The following USP28 variants were observed in gnomAD, a reference collection of about 807,000 sequenced individuals.
The protein encoded by USP28 is ubiquitin carboxyl-terminal hydrolase 28.
Under a neutral mutation model 145.0 loss-of-function variants are expected in USP28, and 113 were observed. The observed-to-expected ratio is 0.78, with a 90% CI of 0.67 to 0.91. The LOEUF (loss-of-function observed/expected upper bound fraction) is 0.91, where lower values mean the gene tolerates loss of function less well. Ranked by LOEUF, USP28 falls within the 40% of genes least tolerant of loss-of-function variation. The probability of loss-of-function intolerance (pLI) is 0.00; values close to 1 mark genes in which losing one functional copy is unlikely to be tolerated. For synonymous variants in USP28, 447 were observed against 450.9 expected, an observed-to-expected ratio of 0.99 and a Z score of 0.11; for missense variants, 1,201 against 1,289.6, an observed-to-expected ratio of 0.93 and a Z score of 1.05.
chr11:113,867,713 T>C lies in USP28; in HGVS notation c.57+7732A>G, dbSNP rs1051465246. Among the ~76,000 whole-genome samples, 6 of 148,240 alleles carry C rather than the reference T, an allele frequency of 4.0e-5. 1 individual carries two copies. The highest frequency in any genetic ancestry group is 7.4e-5 in the Non-Finnish European group (5 of 67,732). On this transcript the variant is annotated intron_variant, in intron 1 of 24. Coordinates refer to ENST00000003302, the Ensembl canonical transcript of USP28. The stretch of plus-strand genomic sequence containing the variant: ...TGTGAATAGCCACTGCACTCCAGCC[T>C]GAGCAACATAGCTAGACCCCAACTC...
rs570174668 is a variant in USP28 at position 113,817,026 on chromosome 11, C to A, written c.1463+632G>T. 2.0e-5 allele frequency among the ~76,000 whole-genome samples: 3 copies of A among 152,194 alleles called. No homozygotes were observed. In the South Asian group the frequency reaches 6.2e-4, roughly 32 times the overall value. ...AGTTAAGATTTTTTGACAAAAAAGT[C>A]TAACTTTTTATTGAGTATTAGTGTT... On this transcript the variant is annotated intron_variant, in intron 13 of 24. Transcript: ENST00000003302.
At position 113,808,050 on chromosome 11, in the gene USP28, TGCATCATTA is replaced by T. The variant is rs771224798; in HGVS notation, c.2304+239_2304+247del. The T allele has an allele frequency of 3.8e-6, 5 of 1,329,486 alleles. No individual in the cohort carries two copies. In the South Asian group the frequency reaches 5.9e-5, roughly 16 times the overall value. 82.4% of individuals were successfully genotyped at this position (1,329,486 alleles called of 1,614,324 possible). On this transcript the variant is annotated intron_variant, in intron 18 of 24. Coordinates refer to ENST00000003302, the Ensembl canonical transcript of USP28. Reference sequence around the variant, plus strand: ...CAGAATTAGGCTGGGCAGTAGACTCTGCATCATTAGCCTTTGGGGGCTGTTCTGACTGCT... The same window carrying T: ...CAGAATTAGGCTGGGCAGTAGACTCTGCCTTTGGGGGCTGTTCTGACTGCT...
At chr11:113,849,598 A>G (rs1280344805) in intron 3 of USP28, among the ~76,000 whole-genome samples, 1 of 152,150 alleles carries the variant, frequency 6.6e-6, no homozygotes, top group African/African-American at 2.4e-5. Context: ...AGGGCGCATT[A>G]AAGTAGGACA....
intron 22 of USP28, among the ~76,000 whole-genome samples, chr11:113,803,522 T>C (rs1386483152): frequency 1.3e-5 from 2 of 152,232 alleles, no homozygotes; most frequent in Admixed American, 1.3e-4. Flanking sequence ...CTAGGGTCTA[T>C]GTCAACTCAA....
At chr11:113,811,157 T>C (rs1940919889) in intron 16 of USP28, among the ~76,000 whole-genome samples, 1 of 152,214 alleles carries the variant, frequency 6.6e-6, no homozygotes, top group African/African-American at 2.4e-5. Context: ...GGGACTGCCA[T>C]TTATTGACTA....
chr11:113,874,989 G>C, intron 1 of USP28: 1 of 899,352 alleles, frequency 1.1e-6, no homozygotes, highest in Middle Eastern at 5.7e-4. Flanking sequence ...ATAGAAGACG[G>C]TGATTAATTC....
intron 1 of USP28, among the ~76,000 whole-genome samples, chr11:113,873,344 G>T (rs1031713465): frequency 2.6e-5 from 4 of 152,188 alleles, no homozygotes; most frequent in Non-Finnish European, 4.4e-5. Context: ...AAATCACTGG[G>T]AAGAACAGTA....
Position 113,861,989 on chromosome 11 carries a change from T to C in USP28, c.58-7654A>G, listed in dbSNP as rs572887614. 4.6e-5 allele frequency among the ~76,000 whole-genome samples: 7 copies of C among 152,360 alleles called. No individual in the cohort carries two copies. The East Asian group carries it at 7.7e-4, about 17-fold the overall frequency. On this transcript the variant is annotated intron_variant, in intron 1 of 24. Coordinates refer to ENST00000003302, the Ensembl canonical transcript of USP28. ...TTACATGCTTACAGTTTTAGAAATATAGCAATGGTAAAATTTTAAGTTATT... is the reference window on the plus strand; with the variant it reads ...TTACATGCTTACAGTTTTAGAAATACAGCAATGGTAAAATTTTAAGTTATT...
chr11:113,852,521 G>C, exon 3 of USP28: 1 of 1,614,118 alleles, frequency 6.2e-7, no homozygotes, highest in South Asian at 1.1e-5. Flanking sequence ...TTCCTTGTTG[G>C]CAGCACTCCC....
chr11:113,803,392 G>A (rs1023747061), intron 22 of USP28, 111 bp from the exon 24 acceptor site: 1 of 1,267,226 alleles, frequency 7.9e-7, no homozygotes. Flanking sequence ...TTCTGAAAAA[G>A]TGAAGGACCA....
At position 113,868,464 on chromosome 11, in the gene USP28, G is replaced by A. The variant is rs139488299; in HGVS notation, c.57+6981C>T. 2.1e-3 allele frequency among the ~76,000 whole-genome samples: 313 copies of A among 152,220 alleles called. 2 individuals carry two copies. Among genetic ancestry groups the A allele is most frequent in the Non-Finnish European group, 3.6e-3 (244 of 68,014 alleles). ...AGTCAAGTGGTAAGTCAGAAACTTT[G>A]GTTTTAGAAAGGCTTGTACTAAAGT... On this transcript the variant is annotated intron_variant, in intron 1 of 24. Transcript: ENST00000003302.
chr11:113,811,770 GA>G (rs963617539), intron 16 of USP28, among the ~76,000 whole-genome samples: 7 of 145,486 alleles, frequency 4.8e-5, no homozygotes, highest in Admixed American at 6.8e-5. Flanking sequence ...GATGGGGCAA[GA>G]AAAAAAAAAG....
chr11:113,837,205 T>A (rs1175936505), intron 5 of USP28, among the ~76,000 whole-genome samples: 1 of 152,242 alleles, frequency 6.6e-6, no homozygotes, highest in East Asian at 1.9e-4. Flanking sequence ...CTGTTCATTT[T>A]CTATCTCACC....
chr11:113,814,536 C>G (rs1011918470), intron 14 of USP28, among the ~76,000 whole-genome samples: 2 of 152,008 alleles, frequency 1.3e-5, no homozygotes, highest in African/African-American at 4.8e-5. Flanking sequence ...GAGTAGAAGT[C>G]CAGAAAAGCT....
At chr11:113,810,031 T>C (rs1043775523) in intron 16 of USP28, among the ~76,000 whole-genome samples, 2 of 87,680 alleles carry the variant, frequency 2.3e-5, no homozygotes, top group African/African-American at 1.0e-4. Flanking sequence ...TGAGACTCCA[T>C]CTCAAAAAAA....
intron 5 of USP28, among the ~76,000 whole-genome samples, chr11:113,836,684 A>G (rs1197639203): frequency 6.6e-6 from 1 of 152,122 alleles, no homozygotes; most frequent in Non-Finnish European, 1.5e-5. Flanking sequence ...CCGAGTCACC[A>G]TCACTCTTCA....
chr11:113,817,571 ACTGT>A, intron 13 of USP28, 83 bp downstream of exon 13: 2 of 1,438,982 alleles, frequency 1.4e-6, no homozygotes, highest in Non-Finnish European at 1.9e-6. Flanking sequence ...CTTATAGGTG[ACTGT>A]CAATCAAGTA....
chr11:113,823,937 AAAGT>A (rs1231124158), intron 11 of USP28, among the ~76,000 whole-genome samples: 1 of 152,220 alleles, frequency 6.6e-6, no homozygotes, highest in Non-Finnish European at 1.5e-5. Flanking sequence ...CCAATGCAAT[AAAGT>A]AAGAAAAACA....
At chr11:113,865,345 C>G (rs931827912) in intron 1 of USP28, among the ~76,000 whole-genome samples, 2 of 152,124 alleles carry the variant, frequency 1.3e-5, no homozygotes, top group Non-Finnish European at 1.5e-5. Context: ...AAAAGCTGAT[C>G]CTCAAATTCA....
Sources: allele counts gnomAD v4.1 joint callset (sites outside exome capture counted in the v4.1 genomes callset), GRCh38; gene constraint gnomAD v4.1.1; transcripts MANE v1.5; gene names NCBI Gene and HGNC (gene_info 2026-07-23, HGNC 2026-07-21).